KCNH7: variants seen among roughly 807,000 people sequenced by gnomAD.
KCNH7 encodes voltage-gated inwardly rectifying potassium channel KCNH7.
KCNH7 carries 49 observed loss-of-function variants against 120.8 expected under a neutral mutation model. The observed-to-expected ratio is 0.41, with a 90% CI of 0.32 to 0.51. The LOEUF (loss-of-function observed/expected upper bound fraction) is 0.51. KCNH7 is among the 20% of genes least tolerant of loss of function. The pLI, the probability that KCNH7 is intolerant of heterozygous loss-of-function variation, is 0.38. For synonymous variants in KCNH7, 547 were observed against 516.1 expected, an observed-to-expected ratio of 1.06 and a Z score of -0.81; for missense variants, 1,097 against 1,446.6, an observed-to-expected ratio of 0.76 and a Z score of 3.92.
intron 8 of KCNH7, among the ~76,000 whole-genome samples, chr2:162,426,675 T>C (rs1687875204): frequency 6.6e-6 from 1 of 152,184 alleles, no homozygotes; most frequent in Admixed American, 6.5e-5. Context: ...CCTGCATTTC[T>C]ACTACATAAA....
chr2:162,634,444 A>G (rs1295094894), intron 2 of KCNH7, among the ~76,000 whole-genome samples: 2 of 152,092 alleles, frequency 1.3e-5, no homozygotes, highest in Non-Finnish European at 2.9e-5. Flanking sequence ...ATATCTTTCA[A>G]TATCTTCACA....
chr2:162,372,502 ATAATAT>A (rs1476051350), intron 15 of KCNH7, among the ~76,000 whole-genome samples: 1 of 152,174 alleles, frequency 6.6e-6, no homozygotes, highest in Non-Finnish European at 1.5e-5. Flanking sequence ...CCCTAGTCAG[ATAATAT>A]TACCTAAATC....
At chr2:162,560,286 G>C (rs1693014976) in intron 2 of KCNH7, among the ~76,000 whole-genome samples, 1 of 152,138 alleles carries the variant, frequency 6.6e-6, no homozygotes, top group South Asian at 2.1e-4. Flanking sequence ...TGAATGTAAG[G>C]CTCTGGACTT....
chr2:162,473,012 A>C (rs953738232), intron 6 of KCNH7, among the ~76,000 whole-genome samples: 2 of 152,066 alleles, frequency 1.3e-5, no homozygotes, highest in African/African-American at 4.8e-5. Context: ...ATAGGTGGGA[A>C]TTGAACAATG....
intron 10 of KCNH7, among the ~76,000 whole-genome samples, chr2:162,399,296 A>G (rs1244726021): frequency 1.3e-5 from 2 of 151,744 alleles, no homozygotes; most frequent in Non-Finnish European, 2.9e-5. Flanking sequence ...CTAATATTCT[A>G]AAGAAGTACT....
Position 162,679,361 on chromosome 2 carries a change from A to C in KCNH7, c.308-142281T>G, listed in dbSNP as rs1456097391. ...TAGGCTTATATGTTTGTGTGTATTT[A>C]ATAATAGAGTAGAGTGCATTGGTAG... On this transcript the variant is annotated intron_variant, in intron 2 of 15. Coordinates refer to ENST00000332142, the MANE Select transcript of KCNH7 (RefSeq NM_033272.4). Among the ~76,000 whole-genome samples the C allele has an allele frequency of 2.6e-5, 4 of 151,784 alleles. No homozygotes were observed. The East Asian group carries it at 7.8e-4, about 29-fold the overall frequency.
intron 2 of KCNH7, among the ~76,000 whole-genome samples, chr2:162,695,707 A>C (rs1686265959): frequency 6.6e-6 from 1 of 152,192 alleles, no homozygotes. Context: ...TCTTCAAAGC[A>C]GAAGGGGCAG....
At chr2:162,754,760 C>G (rs1176351047) in intron 2 of KCNH7, among the ~76,000 whole-genome samples, 3 of 152,062 alleles carry the variant, frequency 2.0e-5, no homozygotes, top group Non-Finnish European at 4.4e-5. Flanking sequence ...GTCCTTAAAT[C>G]CAAAGCAATA....
chr2:162,534,782 C>T (rs892391602), intron 3 of KCNH7, among the ~76,000 whole-genome samples: 1 of 151,566 alleles, frequency 6.6e-6, no homozygotes, highest in African/African-American at 2.4e-5. Context: ...GATACCAACA[C>T]CTTAGAAAAT....
Position 162,517,808 on chromosome 2 carries a change from T to C in KCNH7, c.814A>G (p.Arg272Gly), listed in dbSNP as rs768156476. 2 of 1,611,016 alleles carry C rather than the reference T, an allele frequency of 1.2e-6. No homozygotes were observed. The highest frequency in any genetic ancestry group is 1.7e-6 in the Non-Finnish European group (2 of 1,177,774). The change falls in exon 4 of 16, where the codon AGA becomes GGA. Residue 272 changes from arginine to glycine, a missense_variant. Around this residue, in one of 8 missense-constraint regions of KCNH7, gnomAD observed 362 missense variants for 372.2 expected, o/e 0.97. Transcript: ENST00000332142. ...TCTATATCATGGACCGAAGATGCTC[T>C]CCGTATACTACATAAGCTTTCCCTT... ...RSRESLCSIR[R>G]ASSVHDIEGF... is the part of the protein sequence containing the mutation.
chr2:162,838,404 C>A (rs1443577936), intron 1 of KCNH7, 39 bp downstream of exon 1: 1 of 1,551,696 alleles, frequency 6.4e-7, no homozygotes, highest in Admixed American at 1.7e-5. Context: ...ACTAACAAGG[C>A]AGAAAGCGAG....
chr2:162,647,917 A>T (rs1295736381), intron 2 of KCNH7, among the ~76,000 whole-genome samples: 2 of 152,202 alleles, frequency 1.3e-5, no homozygotes, highest in Admixed American at 1.3e-4. Flanking sequence ...GTGGGTACTA[A>T]ATAAACAATT....
chr2:162,604,355 AT>A (rs1330496439), intron 2 of KCNH7, among the ~76,000 whole-genome samples: 1 of 152,116 alleles, frequency 6.6e-6, no homozygotes, highest in East Asian at 1.9e-4. Context: ...GAGTTCTAAA[AT>A]TAAAAAAAAT....
intron 2 of KCNH7, among the ~76,000 whole-genome samples, chr2:162,697,246 C>T (rs959808603): frequency 3.9e-5 from 6 of 152,090 alleles, no homozygotes; most frequent in Admixed American, 2.0e-4. Context: ...AGTCTGAATC[C>T]ATCTGCCACC....
intron 9 of KCNH7, among the ~76,000 whole-genome samples, chr2:162,421,982 AAAC>A (rs1215314219): frequency 2.0e-4 from 30 of 152,276 alleles, no homozygotes; most frequent in Non-Finnish European, 1.5e-5. Context: ...TACCTTTGTT[AAAC>A]AATAATAGTG....
chr2:162,491,346 T>C (rs1690297369), intron 6 of KCNH7, among the ~76,000 whole-genome samples: 1 of 152,176 alleles, frequency 6.6e-6, no homozygotes, highest in Non-Finnish European at 1.5e-5. Context: ...ATGGGCAGCT[T>C]TTCTATGCAA....
intron 2 of KCNH7, among the ~76,000 whole-genome samples, chr2:162,580,839 C>A (rs920711792): frequency 4.6e-5 from 7 of 151,930 alleles, no homozygotes; most frequent in African/African-American, 9.7e-5. Context: ...CCTGTGGGAA[C>A]TGAGGAACAT....
intron 2 of KCNH7, among the ~76,000 whole-genome samples, chr2:162,766,838 T>A (rs1209304465): frequency 6.6e-6 from 1 of 151,314 alleles, no homozygotes; most frequent in East Asian, 1.9e-4. Context: ...GCTCTGTGTG[T>A]CCTTCCAAAG....
At chr2:162,531,888 T>A (rs534036797) in intron 3 of KCNH7, among the ~76,000 whole-genome samples, 1 of 152,076 alleles carries the variant, frequency 6.6e-6, no homozygotes, top group African/African-American at 2.4e-5. Flanking sequence ...ATACTTAGGT[T>A]TACAAAATAG....
Sources: allele counts gnomAD v4.1 joint callset (sites outside exome capture counted in the v4.1 genomes callset), GRCh38; gene constraint gnomAD v4.1.1; regional missense constraint gnomAD v4.1.1; transcripts MANE v1.5; gene names NCBI Gene and HGNC (gene_info 2026-07-23, HGNC 2026-07-21).